Variants in SRRM3 observed in about 807,000 individuals in gnomAD.
The protein encoded by SRRM3 is serine/arginine repetitive matrix protein 3.
Under a neutral mutation model 66.2 loss-of-function variants are expected in SRRM3, and 27 were observed. The observed-to-expected ratio is 0.41, with a 90% CI of 0.30 to 0.56. The LOEUF is 0.56. Ranked by LOEUF, SRRM3 falls within the 20% of genes least tolerant of loss-of-function variation. The probability of loss-of-function intolerance (pLI) is 0.32; values close to 1 mark genes in which losing one functional copy is unlikely to be tolerated. For missense variants in SRRM3, 918 were observed against 991.9 expected (o/e 0.93, Z 1.00); for synonymous variants, 391 against 414.9 (o/e 0.94, Z 0.70).
chr7:76,267,279 C>A lies in SRRM3; in HGVS notation c.852C>A (p.Asp284Glu), dbSNP rs1032193611. 26 of 1,555,228 alleles carry A rather than the reference C, an allele frequency of 1.7e-5. No homozygotes were observed. Among genetic ancestry groups the A allele is most frequent in the Non-Finnish European group, 2.1e-5 (24 of 1,156,908 alleles). Reference sequence around the variant, plus strand: ...CCAGGCTGAGCCCCAAGCACCGAGACGAAGGGCGAAAGACGGGCAGCCAGC... The same window carrying A: ...CCAGGCTGAGCCCCAAGCACCGAGAAGAAGGGCGAAAGACGGGCAGCCAGC... ...SPSRLSPKHR[D>E]EGRKTGSQRS... Residue 284 changes from aspartate to glutamate, a missense_variant, in exon 11 of 15, where the codon GAC becomes GAA. By Grantham distance (45) the Asp-to-Glu change is conservative. Coordinates refer to ENST00000611745, the MANE Select transcript of SRRM3 (RefSeq NM_001110199.3).
intron 2 of SRRM3, among the ~76,000 whole-genome samples, chr7:76,242,210 C>T (rs181725917): frequency 6.6e-6 from 1 of 152,260 alleles, no homozygotes; most frequent in African/African-American, 2.4e-5. Context: ...TCTGGCTGGG[C>T]GAGGTGGCTC....
chr7:76,282,543 C>A (rs2117119764), intron 12 of SRRM3, 105 bp from the exon 13 acceptor site: 1 of 597,552 alleles, frequency 1.7e-6, no homozygotes, highest in African/African-American at 2.0e-5. Flanking sequence ...ACAAACTACA[C>A]GGACCCCGCC....
At chr7:76,250,748 A>G (rs1390810260) in intron 3 of SRRM3, among the ~76,000 whole-genome samples, 1 of 152,168 alleles carries the variant, frequency 6.6e-6, no homozygotes, top group Non-Finnish European at 1.5e-5. Context: ...ACTCCATCAA[A>G]TAAATAAATA....
chr7:76,241,377 G>A (rs781785920), intron 2 of SRRM3, among the ~76,000 whole-genome samples: 36 of 152,240 alleles, frequency 2.4e-4, no homozygotes, highest in Non-Finnish European at 5.0e-4. Flanking sequence ...GGCAATTCTC[G>A]GAGCTGGTGC....
chr7:76,214,055 G>A (rs1583868426), intron 1 of SRRM3, among the ~76,000 whole-genome samples: 2 of 152,202 alleles, frequency 1.3e-5, no homozygotes, highest in Admixed American at 1.3e-4. Context: ...TGGGATTACA[G>A]GCGTGAACCA....
chr7:76,248,293 A>T lies in SRRM3; in HGVS notation c.335+4A>T. 1 of 1,609,382 alleles carries T rather than the reference A, an allele frequency of 6.2e-7. No homozygotes were observed. Among genetic ancestry groups the T allele is most frequent in the Non-Finnish European group, 8.5e-7 (1 of 1,176,444 alleles). ...AGGACCGGCCTGGGGGCCACATGTG[A>T]GTGCTTACCTGTGTGGGGATGAGGG... On this transcript the variant is annotated splice_donor_region_variant and intron_variant, in intron 3 of 14. Coordinates refer to ENST00000611745, the MANE Select transcript of SRRM3 (RefSeq NM_001110199.3).
intron 1 of SRRM3, among the ~76,000 whole-genome samples, chr7:76,208,375 A>G (rs188416660): frequency 6.6e-6 from 1 of 152,042 alleles, no homozygotes; most frequent in East Asian, 1.9e-4. Context: ...CCTGGGTTGG[A>G]AAGCACCCCG....
chr7:76,275,497 CAAA>C (rs35985626), intron 11 of SRRM3, among the ~76,000 whole-genome samples: 6 of 70,910 alleles, frequency 8.5e-5, no homozygotes, highest in Admixed American at 1.7e-4. Context: ...CCTGCTCCCT[CAAA>C]AAAAAAAAAA....
At chr7:76,264,850 G>T in intron 9 of SRRM3, 35 bp downstream of exon 9, 1 of 1,608,402 alleles carries the variant, frequency 6.2e-7, no homozygotes, top group Non-Finnish European at 8.5e-7. Context: ...CCCCCCATTC[G>T]TTCTCCCTCC....
At chr7:76,239,500 A>C (rs1801230119) in intron 2 of SRRM3, among the ~76,000 whole-genome samples, 1 of 152,026 alleles carries the variant, frequency 6.6e-6, no homozygotes, top group Non-Finnish European at 1.5e-5. Context: ...TGAGACCAGC[A>C]TGGCAACATA....
At chr7:76,280,109 C>G (rs758364708) in intron 11 of SRRM3, among the ~76,000 whole-genome samples, 66 of 138,434 alleles carry the variant, frequency 4.8e-4, no homozygotes, top group Non-Finnish European at 8.2e-4. Flanking sequence ...ACTTAAAAAT[C>G]AGAACTTAAA....
At chr7:76,276,739 G>T (rs782010188) in intron 11 of SRRM3, among the ~76,000 whole-genome samples, 1 of 152,160 alleles carries the variant, frequency 6.6e-6, no homozygotes, top group Non-Finnish European at 1.5e-5. Flanking sequence ...TCTGGCAGGC[G>T]CATGGTGACC....
chr7:76,226,737 T>C (rs1800873906), intron 1 of SRRM3, among the ~76,000 whole-genome samples: 1 of 152,140 alleles, frequency 6.6e-6, no homozygotes, highest in Non-Finnish European at 1.5e-5. Context: ...ATTACAGGCA[T>C]GTGCCACCAC....
At chr7:76,262,442 G>A (rs1801898750) in intron 8 of SRRM3, among the ~76,000 whole-genome samples, 1 of 147,736 alleles carries the variant, frequency 6.8e-6, no homozygotes, top group African/African-American at 2.5e-5. Flanking sequence ...GGTGGCGGAG[G>A]TTGCAGTGAG....
At chr7:76,258,644 G>GCT (rs1801775498) in intron 3 of SRRM3, among the ~76,000 whole-genome samples, 1 of 149,490 alleles carries the variant, frequency 6.7e-6, no homozygotes, top group South Asian at 2.1e-4. Flanking sequence ...AACCCAGCAG[G>GCT]CGGAGGATGC....
In SRRM3 at chr7:76,285,804, C is replaced by T. The variant is rs1338357896; in HGVS notation, c.1923C>T (p.Ser641=). ...GCCCCTCGAGGACCCCCAGTCCCAG[C>T]TACCACAGCCGGAGCAGCTCTGAGA... is the stretch of plus-strand genomic sequence containing the variant. ...TRSPSRTPSP[S]YHSRSSSESG... The change falls in exon 15 of 15, where the codon AGC becomes AGT. Residue 641 remains serine, a synonymous_variant. Transcript: ENST00000611745. The surrounding 1 kb of genome is among the most constrained non-coding windows in gnomAD (Gnocchi z 4.1). 1 of 1,550,812 alleles carries T rather than the reference C, an allele frequency of 6.4e-7. No homozygotes were observed.
intron 1 of SRRM3, among the ~76,000 whole-genome samples, chr7:76,229,869 G>A (rs186711135): frequency 1.3e-4 from 20 of 150,854 alleles, no homozygotes; most frequent in Non-Finnish European, 1.9e-4. Context: ...TCAGCCTCCC[G>A]AATAGCTTAG....
At chr7:76,241,192 C>T (rs1278481848) in intron 2 of SRRM3, among the ~76,000 whole-genome samples, 7 of 152,158 alleles carry the variant, frequency 4.6e-5, no homozygotes, top group African/African-American at 1.2e-4. Context: ...CCACTGTGCC[C>T]GGCCTAGAAA....
chr7:76,240,982 C>T (rs782050053), intron 2 of SRRM3, among the ~76,000 whole-genome samples: 10 of 151,838 alleles, frequency 6.6e-5, no homozygotes, highest in African/African-American at 9.7e-5. Flanking sequence ...CTGCAACCTC[C>T]GCCTCCCAGG....
Sources: gnomAD v4.1 joint callset for allele counts (sites outside exome capture counted in the v4.1 genomes callset) on GRCh38, gnomAD v4.1.1 for gene constraint, Gnocchi (gnomAD v3.1) non-coding constraint, MANE v1.5 for transcripts, NCBI Gene and HGNC (gene_info 2026-07-23, HGNC 2026-07-21) for gene names.